Variants in WDPCP observed in about 807,000 individuals in gnomAD.
The protein encoded by WDPCP is WD repeat-containing and planar cell polarity effector protein fritz homolog.
WDPCP carries 71 observed loss-of-function variants against 93.1 expected under a neutral mutation model. The observed-to-expected ratio is 0.76, with a 90% CI of 0.63 to 0.93. The LOEUF is 0.93. Among genes scored for constraint, WDPCP ranks in the 40% least tolerant of loss-of-function variants. WDPCP has a pLI of 0.00. For synonymous variants in WDPCP, 315 were observed against 315.0 expected, an observed-to-expected ratio of 1.00 and a Z score of 0.00; for missense variants, 844 against 887.4, an observed-to-expected ratio of 0.95 and a Z score of 0.62.
intron 14 of WDPCP, among the ~76,000 whole-genome samples, chr2:63,250,105 T>C (rs890245885): frequency 4.6e-5 from 7 of 152,236 alleles, no homozygotes; most frequent in Non-Finnish European, 1.0e-4. Context: ...ATCTCTTTGT[T>C]ATATCTGAAT....
intron 17 of WDPCP, among the ~76,000 whole-genome samples, chr2:63,148,864 AC>A (rs1374501229): frequency 4.9e-4 from 2 of 4,058 alleles, no homozygotes; most frequent in Non-Finnish European, 1.5e-3. Context: ...AGGAGCCAAC[AC>A]ACACACACAC....
chr2:63,594,767 G>A (rs1709273285), intron 3 of WDPCP: 1 of 524,758 alleles, frequency 1.9e-6, no homozygotes, highest in East Asian at 3.3e-5. Flanking sequence ...TCCAGGCACT[G>A]AAAACACTTT....
intron 10 of WDPCP, among the ~76,000 whole-genome samples, chr2:63,383,196 ATGATTAC>A (rs762548336): frequency 6.6e-6 from 1 of 152,166 alleles, no homozygotes; most frequent in African/African-American, 2.4e-5. Context: ...AAAGATATGA[ATGATTAC>A]AGATTTTGCA....
At chr2:63,507,178 A>C (rs1413150513) in intron 1 of WDPCP, among the ~76,000 whole-genome samples, 2 of 152,132 alleles carry the variant, frequency 1.3e-5, no homozygotes, top group Non-Finnish European at 2.9e-5. Flanking sequence ...GAATTACAAA[A>C]GATACAATCC....
chr2:63,302,541 G>A (rs757145798), intron 13 of WDPCP, among the ~76,000 whole-genome samples: 15 of 152,130 alleles, frequency 9.9e-5, no homozygotes, highest in Non-Finnish European at 1.6e-4. Context: ...GTTGAGCTAG[G>A]AGGAAGGGAA....
At chr2:63,643,660 AT>A in intron 3 of WDPCP, 1 of 465,170 alleles carries the variant, frequency 2.1e-6, no homozygotes, top group Non-Finnish European at 4.3e-6. Flanking sequence ...ACCCACAAAG[AT>A]TTTTCTCACT....
Position 63,606,344 on chromosome 2 carries a change from C to A in WDPCP, n.488+44315G>T, listed in dbSNP as rs189036864. ...TGCAGTGAACCATGACAGTACCCCT[C>A]CACCAGGCAACAGAACGGGACCCTG... On this transcript the variant is annotated intron_variant and non_coding_transcript_variant, in intron 3 of 4. Transcript: ENST00000467687. 4.1e-3 allele frequency among the ~76,000 whole-genome samples: 622 copies of A among 152,264 alleles called. 21 individuals are homozygous for A. The highest frequency in any genetic ancestry group is 0.038 in the Admixed American group (581 of 15,294).
Position 63,627,138 on chromosome 2 carries a change from C to G in WDPCP, n.488+23521G>C, listed in dbSNP as rs115675181. On this transcript the variant is annotated intron_variant and non_coding_transcript_variant, in intron 3 of 4. Transcript: ENST00000467687. ...TTTTCTAAAACATTAATCTCAAATGCTATAATTTTTATTCTCAGTTTTCCA... is the reference window on the plus strand; with the variant it reads ...TTTTCTAAAACATTAATCTCAAATGGTATAATTTTTATTCTCAGTTTTCCA... Among the ~76,000 whole-genome samples, 1,366 of 152,162 alleles carry G rather than the reference C, an allele frequency of 9.0e-3. 17 individuals are homozygous for G. Among genetic ancestry groups the G allele is most frequent in the African/African-American group, 0.03 (1,256 of 41,504 alleles).
rs1706733496 is a variant in WDPCP, at chr2:63,562,910, G to A, written c.75+25287C>T. Among the ~76,000 whole-genome samples, 3 of 152,144 alleles carry A rather than the reference G, an allele frequency of 2.0e-5. No individual in the cohort carries two copies. The South Asian group carries it at 6.2e-4, about 32-fold the overall frequency. On this transcript the variant is annotated intron_variant, in intron 1 of 17. Coordinates refer to ENST00000272321, the MANE Select transcript of WDPCP (RefSeq NM_015910.7). ...GGCACAGCAAGCTATTTCTCTAAGA[G>A]GCCCTGAACCCTTTTAGTGGAAAAT...
At chr2:63,164,809 A>G (rs896585403) in intron 15 of WDPCP, among the ~76,000 whole-genome samples, 1 of 152,166 alleles carries the variant, frequency 6.6e-6, no homozygotes, top group East Asian at 1.9e-4. Context: ...AAGTTTTTAT[A>G]TACTATTGTT....
intron 2 of WDPCP, among the ~76,000 whole-genome samples, chr2:63,720,188 G>A (rs897474498): frequency 5.3e-5 from 8 of 151,918 alleles, no homozygotes; most frequent in East Asian, 1.9e-4. Context: ...AGGCTGAGGC[G>A]GGTGGATTGC....
chr2:63,590,367 C>A (rs1238325137), upstream of WDPCP: 1 of 152,144 alleles, frequency 6.6e-6, no homozygotes, highest in African/African-American at 2.4e-5. Context: ...TTGTGTCTTA[C>A]ACTTACCAAG....
intron 2 of WDPCP, among the ~76,000 whole-genome samples, chr2:63,720,638 G>A (rs903275266): frequency 3.3e-5 from 5 of 151,858 alleles, no homozygotes; most frequent in Admixed American, 2.0e-4. Context: ...TCTTTCCATT[G>A]ACCCCTAGGT....
chr2:63,815,360 T>C (rs1349229506), intron 1 of WDPCP, among the ~76,000 whole-genome samples: 1 of 152,336 alleles, frequency 6.6e-6, no homozygotes. Flanking sequence ...AAAGGAATCA[T>C]TCATTAAAAC....
chr2:63,381,993 A>G lies in WDPCP; in HGVS notation c.1537T>C (p.Trp513Arg). The G allele has an allele frequency of 6.2e-7, 1 of 1,613,588 alleles. No individual in the cohort carries two copies. Among genetic ancestry groups the G allele is most frequent in the East Asian group, 2.2e-5 (1 of 44,794 alleles). The stretch of plus-strand genomic sequence containing the variant: ...AAGCACTGGTGGCCCAGAGTGTCCC[A>G]GTTCATGCTGCTCAGGATGTTTATT... ...EAINILSSMN[W>R]DTLGHQCFIS... is the part of the protein sequence containing the mutation. The change falls in exon 11 of 18, where the codon TGG becomes CGG. Residue 513 changes from tryptophan (W) to arginine (R), a missense_variant. Physicochemically the swap from Trp to Arg is moderately radical, Grantham distance 101. Transcript: ENST00000272321.
intron 1 of WDPCP, among the ~76,000 whole-genome samples, chr2:63,821,122 C>T (rs1384914918): frequency 6.6e-6 from 1 of 152,026 alleles, no homozygotes; most frequent in Non-Finnish European, 1.5e-5. Flanking sequence ...TGTCCTTGTC[C>T]TTGAGGAGTT....
At chr2:63,180,122 A>G (rs1674124778) in intron 14 of WDPCP, among the ~76,000 whole-genome samples, 1 of 152,200 alleles carries the variant, frequency 6.6e-6, no homozygotes, top group Admixed American at 6.5e-5. Flanking sequence ...ACACATGGAA[A>G]TAGAGTGTAC....
At chr2:63,815,906 T>C (rs1039911796) in intron 1 of WDPCP, among the ~76,000 whole-genome samples, 29 of 152,086 alleles carry the variant, frequency 1.9e-4, no homozygotes, top group African/African-American at 6.5e-4. Flanking sequence ...GCTTTTTTTT[T>C]TCACTTTAAT....
intron 12 of WDPCP, among the ~76,000 whole-genome samples, chr2:63,373,124 A>AAAAC (rs750910108): frequency 3.3e-5 from 5 of 152,164 alleles, no homozygotes; most frequent in African/African-American, 9.7e-5. Context: ...ACGCCATATC[A>AAAAC]AAACAAACAA....
Sources: allele counts gnomAD v4.1 joint callset (sites outside exome capture counted in the v4.1 genomes callset), GRCh38; gene constraint gnomAD v4.1.1; transcripts MANE v1.5; gene names NCBI Gene and HGNC (gene_info 2026-07-23, HGNC 2026-07-21).